STIM2: variants seen among roughly 807,000 people sequenced by gnomAD.
STIM2 encodes stromal interaction molecule 2.
In STIM2, 31 loss-of-function variants were observed where a neutral mutation model predicts 85.8. The ratio of observed to expected loss-of-function variants is 0.36; its 90% confidence interval spans 0.27 to 0.49. The LOEUF is 0.49. Ranked by LOEUF, STIM2 falls within the 20% of genes least tolerant of loss-of-function variation. STIM2 has a pLI of 0.98. For missense variants in STIM2, 841 were observed against 927.6 expected (o/e 0.91, Z 1.21); for synonymous variants, 356 against 331.1 (o/e 1.08, Z -0.82).
chr4:26,870,495 C>T (rs1222026421), intron 1 of STIM2, among the ~76,000 whole-genome samples: 2 of 151,978 alleles, frequency 1.3e-5, no homozygotes, highest in African/African-American at 2.4e-5. Flanking sequence ...TATACATTTG[C>T]AGTATTAAAA....
rs557360861 is a variant in STIM2, at chr4:27,018,032, G to T, written c.1763+48G>T. ...AGGGCATGTTGGGGCTGGGTTGGGG[G>T]TAAGGTGTGAGGAGGGGGCGGGAGG... On this transcript the variant is annotated intron_variant, in intron 11 of 11. Coordinates refer to ENST00000467087, the MANE Select transcript of STIM2 (RefSeq NM_020860.4). The T allele has an allele frequency of 3.8e-6, 6 of 1,567,408 alleles. No homozygotes were observed. In the Admixed American group the frequency reaches 5.0e-5, roughly 13 times the overall value.
intron 1 of STIM2, among the ~76,000 whole-genome samples, chr4:26,880,631 ATAAATATATATG>A (rs1251368292): frequency 1.4e-5 from 2 of 145,980 alleles, no homozygotes; most frequent in African/African-American, 2.5e-5. Context: ...AAATATATAT[ATAAATATATATG>A]TAAATATATA....
chr4:26,901,599 C>T (rs188012192), intron 1 of STIM2, among the ~76,000 whole-genome samples: 16 of 151,972 alleles, frequency 1.1e-4, no homozygotes, highest in African/African-American at 3.4e-4. Context: ...ATGTTGTTAG[C>T]GATATTAAAT....
At chr4:26,913,389 G>T (rs759972549) in intron 1 of STIM2, among the ~76,000 whole-genome samples, 1 of 152,000 alleles carries the variant, frequency 6.6e-6, no homozygotes, top group Non-Finnish European at 1.5e-5. Context: ...ACTCTATCAC[G>T]AGAGTATGAG....
intron 3 of STIM2, among the ~76,000 whole-genome samples, chr4:26,961,078 A>G (rs976778025): frequency 6.6e-6 from 1 of 152,158 alleles, no homozygotes; most frequent in Non-Finnish European, 1.5e-5. Context: ...TACATACTAT[A>G]TAGTAGATAT....
At chr4:26,915,060 C>T (rs369875967) in intron 1 of STIM2, among the ~76,000 whole-genome samples, 9 of 152,202 alleles carry the variant, frequency 5.9e-5, no homozygotes, top group African/African-American at 2.2e-4. Flanking sequence ...CTTAGAATCC[C>T]AGTTGTCATT....
At chr4:26,927,922 G>A (rs922384934) in intron 2 of STIM2, among the ~76,000 whole-genome samples, 2 of 148,630 alleles carry the variant, frequency 1.3e-5, no homozygotes, top group Non-Finnish European at 3.0e-5. Flanking sequence ...TTAGTCTGGT[G>A]CTGCTATAGC....
chr4:26,906,685 G>A (rs1395558759), intron 1 of STIM2, among the ~76,000 whole-genome samples: 2 of 151,972 alleles, frequency 1.3e-5, no homozygotes, highest in Non-Finnish European at 2.9e-5. Flanking sequence ...TACCTCATTT[G>A]GACTGGAAAT....
At chr4:26,977,887 C>T (rs1180944531) in intron 3 of STIM2, among the ~76,000 whole-genome samples, 1 of 151,968 alleles carries the variant, frequency 6.6e-6, no homozygotes, top group Admixed American at 6.6e-5. Flanking sequence ...AAGAAATGGC[C>T]GGTGAGATAG....
At chr4:27,001,925 C>T (rs1170716378) in intron 5 of STIM2, among the ~76,000 whole-genome samples, 1 of 152,126 alleles carries the variant, frequency 6.6e-6, no homozygotes, top group African/African-American at 2.4e-5. Flanking sequence ...ATTGGAGGTG[C>T]TGTTGCTTTT....
intron 1 of STIM2, among the ~76,000 whole-genome samples, chr4:26,870,547 A>T (rs921443554): frequency 6.6e-6 from 1 of 152,208 alleles, no homozygotes; most frequent in African/African-American, 2.4e-5. Context: ...AAGTATAATT[A>T]TAAATAACTA....
rs756197716 is a variant in STIM2, at chr4:26,999,320, G to A, written c.598G>A (p.Asp200Asn). ...ACAAAAACTTCAGCTCAAGGCATTG[G>A]ATGTGGTTTTGTTTGGACCTCTAAC... Residue 200 changes from aspartate (D) to asparagine (N), a missense_variant, in exon 5 of 12, where the codon GAT (aspartate) becomes AAT (asparagine). This residue lies in a region of STIM2 where 408 missense variants were observed against 525.4 expected (regional missense o/e 0.78). Coordinates refer to ENST00000467087, the MANE Select transcript of STIM2 (RefSeq NM_020860.4). 6.2e-7 allele frequency: 1 copy of A among 1,609,332 alleles called. No individual in the cohort carries two copies. Among genetic ancestry groups the A allele is most frequent in the East Asian group, 2.3e-5 (1 of 44,422 alleles).
intron 1 of STIM2, among the ~76,000 whole-genome samples, chr4:26,901,373 CAT>C (rs946199960): frequency 1.3e-5 from 2 of 152,170 alleles, no homozygotes; most frequent in Admixed American, 6.5e-5. Context: ...ATTCAATAAA[CAT>C]ATTAAATTCA....
chr4:26,976,897 CT>C (rs2109109985), intron 3 of STIM2, among the ~76,000 whole-genome samples: 1 of 152,248 alleles, frequency 6.6e-6, no homozygotes, highest in Admixed American at 6.5e-5. Context: ...ATATTCTTCC[CT>C]GATGGAGTTA....
chr4:26,886,217 G>A (rs1723241891), intron 1 of STIM2, among the ~76,000 whole-genome samples: 1 of 152,002 alleles, frequency 6.6e-6, no homozygotes. Context: ...TTCTGTGTAG[G>A]AGCATATTCA....
chr4:27,023,919 G>C lies in STIM2; in HGVS notation c.*923G>C, dbSNP rs1728999179. ...TAACTGCAAAGGATTTACGGTTTGT[G>C]AAAAATGTGTACTGTGGAAAAGATA... On this transcript the variant is annotated 3_prime_UTR_variant, in exon 12 of 12. Transcript: ENST00000467087. The C allele has an allele frequency of 6.6e-6, 1 of 152,598 alleles. No homozygotes were observed. Among genetic ancestry groups the C allele is most frequent in the African/African-American group, 2.4e-5 (1 of 41,424 alleles). The allele number at this position is 152,598 out of a possible 1,614,324, so 9.5% of individuals were successfully genotyped here.
At chr4:26,978,605 G>A (rs1036253472) in intron 3 of STIM2, among the ~76,000 whole-genome samples, 4 of 152,140 alleles carry the variant, frequency 2.6e-5, no homozygotes, top group African/African-American at 9.7e-5. Flanking sequence ...TTGCCTGCCT[G>A]TTCTAGTTAG....
chr4:26,943,497 A>G (rs1294522260), intron 2 of STIM2, among the ~76,000 whole-genome samples: 3 of 152,080 alleles, frequency 2.0e-5, no homozygotes, highest in East Asian at 1.9e-4. Flanking sequence ...TTTAGGCACA[A>G]CCTCGCCTTT....
At chr4:26,886,941 A>G (rs1185798087) in intron 1 of STIM2, among the ~76,000 whole-genome samples, 3 of 152,168 alleles carry the variant, frequency 2.0e-5, no homozygotes, top group South Asian at 2.1e-4. Context: ...CTTGTTAGCT[A>G]TGGAGGTGGT....
Sources: allele counts gnomAD v4.1 joint callset (sites outside exome capture counted in the v4.1 genomes callset), GRCh38; gene constraint gnomAD v4.1.1; regional missense constraint gnomAD v4.1.1; transcripts MANE v1.5; gene names NCBI Gene and HGNC (gene_info 2026-07-23, HGNC 2026-07-21).